Variants in NOL4 observed in about 807,000 individuals in gnomAD.
NOL4 encodes the protein nucleolar protein 4, also known as cancer/testis antigen 125.
Under a neutral mutation model 75.9 loss-of-function variants are expected in NOL4, and 17 were observed. The ratio of observed to expected loss-of-function variants is 0.22; its 90% CI spans 0.15 to 0.34. The LOEUF (loss-of-function observed/expected upper bound fraction) is 0.34. Among genes scored for constraint, NOL4 ranks in the 10% least tolerant of loss-of-function variants. NOL4 has a pLI of 1.00. For missense variants in NOL4, 614 were observed against 793.5 expected (o/e 0.77, Z 2.72); for synonymous variants, 292 against 289.9 (o/e 1.01, Z -0.07).
At chr18:33,854,487 C>T (rs1041873171) in intron 10 of NOL4, among the ~76,000 whole-genome samples, 1 of 151,974 alleles carries the variant, frequency 6.6e-6, no homozygotes, top group East Asian at 1.9e-4. Context: ...GAGAGATGTG[C>T]GATGTCACAT....
At chr18:34,047,429 G>A (rs1303330763) in intron 5 of NOL4, among the ~76,000 whole-genome samples, 2 of 151,950 alleles carry the variant, frequency 1.3e-5, no homozygotes, top group African/African-American at 2.4e-5. Context: ...AAAACATCAT[G>A]TATCACGGAT....
chr18:33,984,652 A>G (rs1477103189), intron 6 of NOL4, among the ~76,000 whole-genome samples: 2 of 152,062 alleles, frequency 1.3e-5, no homozygotes, highest in South Asian at 2.1e-4. Flanking sequence ...TTTGCCTTTC[A>G]GCCATGAGTA....
At chr18:33,984,296 A>C (rs2072250317) in intron 6 of NOL4, among the ~76,000 whole-genome samples, 2 of 152,150 alleles carry the variant, frequency 1.3e-5, no homozygotes, top group Admixed American at 6.6e-5. Flanking sequence ...ATACAGTGAA[A>C]TATACCTCAG....
intron 9 of NOL4, among the ~76,000 whole-genome samples, chr18:33,936,909 C>G (rs556842856): frequency 6.6e-6 from 1 of 152,068 alleles, no homozygotes; most frequent in Admixed American, 6.6e-5. Flanking sequence ...TACTTTTTGC[C>G]TCTTTGTCTT....
At chr18:33,891,798 T>C (rs572099685) in intron 9 of NOL4, among the ~76,000 whole-genome samples, 1 of 152,294 alleles carries the variant, frequency 6.6e-6, no homozygotes, top group East Asian at 1.9e-4. Context: ...CCTTCTTTCA[T>C]TATTAACTGG....
intron 6 of NOL4, among the ~76,000 whole-genome samples, chr18:33,992,361 C>G (rs2072982182): frequency 6.6e-6 from 1 of 151,982 alleles, no homozygotes; most frequent in South Asian, 2.1e-4. Context: ...CAGATCAACA[C>G]TGTTATGACA....
intron 10 of NOL4, among the ~76,000 whole-genome samples, chr18:33,856,413 G>A (rs985764780): frequency 1.3e-5 from 2 of 152,012 alleles, no homozygotes; most frequent in African/African-American, 4.8e-5. Flanking sequence ...TGAGTACAGT[G>A]ATTTCCACAT....
At chr18:34,139,625 C>A (rs1339829743) in intron 1 of NOL4, among the ~76,000 whole-genome samples, 2 of 152,078 alleles carry the variant, frequency 1.3e-5, no homozygotes, top group African/African-American at 2.4e-5. Context: ...TTTTAAAAAA[C>A]CAGCTCCTGG....
intron 9 of NOL4, among the ~76,000 whole-genome samples, chr18:33,902,226 C>A (rs946165438): frequency 6.6e-6 from 1 of 151,832 alleles, no homozygotes; most frequent in Non-Finnish European, 1.5e-5. Flanking sequence ...ATGAGGTTTT[C>A]TTAAGGCATT....
At chr18:33,945,392 G>A (rs2068767938) in intron 8 of NOL4, among the ~76,000 whole-genome samples, 1 of 151,804 alleles carries the variant, frequency 6.6e-6, no homozygotes, top group African/African-American at 2.4e-5. Context: ...CATGGAGAAC[G>A]TAAGTAAAAT....
chr18:33,995,883 G>A (rs1425313960), intron 6 of NOL4, among the ~76,000 whole-genome samples: 1 of 151,902 alleles, frequency 6.6e-6, no homozygotes, highest in African/African-American at 2.4e-5. Flanking sequence ...CAATTGAAAA[G>A]AATACATGTA....
chr18:34,191,201 T>G (rs2034887880), intron 1 of NOL4, among the ~76,000 whole-genome samples: 1 of 152,126 alleles, frequency 6.6e-6, no homozygotes, highest in African/African-American at 2.4e-5. Context: ...TTCTGCTAAC[T>G]TCCTAATTTT....
At chr18:34,199,265 T>C (rs545680571) in intron 1 of NOL4, among the ~76,000 whole-genome samples, 1 of 151,722 alleles carries the variant, frequency 6.6e-6, no homozygotes, top group South Asian at 2.1e-4. Flanking sequence ...TCATACCTTA[T>C]GTGGTACCAG....
chr18:34,133,891 C>T (rs552018651), intron 1 of NOL4, among the ~76,000 whole-genome samples: 2 of 152,042 alleles, frequency 1.3e-5, no homozygotes, highest in East Asian at 3.9e-4. Flanking sequence ...GGCGTGGTGG[C>T]ATGCACCTGT....
intron 1 of NOL4, among the ~76,000 whole-genome samples, chr18:34,196,631 T>C (rs1174609908): frequency 6.6e-6 from 1 of 152,108 alleles, no homozygotes; most frequent in Non-Finnish European, 1.5e-5. Flanking sequence ...CTGCAAAACA[T>C]GTATTTGCAG....
At chr18:33,944,696 C>G (rs1290148065) in intron 8 of NOL4, among the ~76,000 whole-genome samples, 1 of 151,766 alleles carries the variant, frequency 6.6e-6, no homozygotes, top group Admixed American at 6.6e-5. Flanking sequence ...GCAATATAAG[C>G]ATTTTGAGAA....
At chr18:34,069,045 A>G (rs991578935) in intron 5 of NOL4, among the ~76,000 whole-genome samples, 4 of 152,206 alleles carry the variant, frequency 2.6e-5, no homozygotes, top group Non-Finnish European at 5.9e-5. Context: ...GGTAAAGCAA[A>G]ATAAAAAGAA....
At chr18:33,932,078 T>TA (rs2067728781) in intron 9 of NOL4, among the ~76,000 whole-genome samples, 1 of 152,232 alleles carries the variant, frequency 6.6e-6, no homozygotes, top group African/African-American at 2.4e-5. Flanking sequence ...TGATTTGTGG[T>TA]ATAGGTGCAA....
chr18:34,122,841 G>C (rs1600664463), intron 2 of NOL4, among the ~76,000 whole-genome samples: 1 of 151,934 alleles, frequency 6.6e-6, no homozygotes, highest in East Asian at 1.9e-4. Context: ...TACACTATCA[G>C]AGTAGCAAGG....
Sources: gnomAD v4.1 joint callset for allele counts (sites outside exome capture counted in the v4.1 genomes callset) on GRCh38, gnomAD v4.1.1 for gene constraint, MANE v1.5 for transcripts, NCBI Gene and HGNC (gene_info 2026-07-23, HGNC 2026-07-21) for gene names.